The following ERG variants were observed in gnomAD, a reference collection of about 807,000 sequenced individuals.
ERG encodes the protein transcriptional regulator ERG.
ERG carries 9 observed loss-of-function variants against 55.3 expected under a neutral mutation model. The ratio of observed to expected loss-of-function variants is 0.16; its 90% confidence interval spans 0.10 to 0.28. The LOEUF is 0.28. Among genes scored for constraint, ERG ranks in the 10% least tolerant of loss-of-function variants. ERG has a pLI of 1.00. For synonymous variants in ERG, 223 were observed against 237.3 expected (o/e 0.94, Z 0.55); for missense variants, 434 against 631.6 (o/e 0.69, Z 3.35).
At chr21:38,505,409 A>G (rs937097366) in intron 2 of ERG, among the ~76,000 whole-genome samples, 1 of 152,172 alleles carries the variant, frequency 6.6e-6, no homozygotes, top group Non-Finnish European at 1.5e-5. Flanking sequence ...CGCAGAGGAC[A>G]CAGAGGTGCA....
intron 2 of ERG, among the ~76,000 whole-genome samples, chr21:38,556,177 G>A (rs1338117300): frequency 6.6e-6 from 1 of 151,948 alleles, no homozygotes; most frequent in Non-Finnish European, 1.5e-5. Flanking sequence ...ATGATAAAAG[G>A]GCAGTTTCAA....
chr21:38,491,052 C>A (rs1327902469), intron 1 of ERG, among the ~76,000 whole-genome samples: 1 of 152,130 alleles, frequency 6.6e-6, no homozygotes, highest in Non-Finnish European at 1.5e-5. Flanking sequence ...CAATGCAAAA[C>A]CACATACTTT....
chr21:38,418,380 G>A (rs986880471), intron 3 of ERG, among the ~76,000 whole-genome samples: 2 of 151,530 alleles, frequency 1.3e-5, no homozygotes, highest in Non-Finnish European at 2.9e-5. Context: ...TCAAACTTCT[G>A]GGCTCAAAGA....
At chr21:38,450,822 A>G in intron 1 of ERG, 1 of 437,088 alleles carries the variant, frequency 2.3e-6, no homozygotes, top group South Asian at 1.6e-5. Context: ...AAATAATGGG[A>G]CATTTTATAT....
At chr21:38,593,657 T>C (rs1005584022) in intron 1 of ERG, among the ~76,000 whole-genome samples, 4 of 152,164 alleles carry the variant, frequency 2.6e-5, no homozygotes, top group Admixed American at 6.5e-5. Flanking sequence ...AAATACATAA[T>C]TACTTCTGAG....
At chr21:38,411,408 C>T (rs1989040301) in intron 3 of ERG, among the ~76,000 whole-genome samples, 1 of 152,150 alleles carries the variant, frequency 6.6e-6, no homozygotes, top group Non-Finnish European at 1.5e-5. Context: ...ACCTCTGCCT[C>T]CCAGGTTCAA....
At chr21:38,419,572 A>G (rs185169963) in intron 3 of ERG, among the ~76,000 whole-genome samples, 1 of 152,176 alleles carries the variant, frequency 6.6e-6, no homozygotes, top group African/African-American at 2.4e-5. Flanking sequence ...TCTCTGTTCA[A>G]TTTTTACTTT....
chr21:38,461,195 A>T (rs2059039382), intron 1 of ERG, among the ~76,000 whole-genome samples: 2 of 152,110 alleles, frequency 1.3e-5, no homozygotes, highest in South Asian at 4.2e-4. Flanking sequence ...AGCGGGGTTG[A>T]TTCCTCCTGA....
intron 1 of ERG, among the ~76,000 whole-genome samples, chr21:38,626,186 T>C (rs569565136): frequency 6.6e-6 from 1 of 152,230 alleles, no homozygotes; most frequent in South Asian, 2.1e-4. Flanking sequence ...TCTCCCAAAG[T>C]GCTGGGATTA....
intron 1 of ERG, among the ~76,000 whole-genome samples, chr21:38,598,938 C>T (rs1831812973): frequency 6.6e-6 from 1 of 152,166 alleles, no homozygotes; most frequent in Non-Finnish European, 1.5e-5. Context: ...CAGCACCTCT[C>T]TCCACCCCAG....
intron 1 of ERG, among the ~76,000 whole-genome samples, chr21:38,625,915 C>CTTTTTTTTTT (rs397797559): frequency 1.2e-5 from 1 of 84,430 alleles, no homozygotes; most frequent in African/African-American, 5.0e-5. Flanking sequence ...ACTTGAAGCT[C>CTTTTTTTTTT]TTTTTTTTTT....
chr21:38,612,090 A>G (rs367651650), intron 1 of ERG, among the ~76,000 whole-genome samples: 2 of 152,162 alleles, frequency 1.3e-5, no homozygotes, highest in South Asian at 2.1e-4. Flanking sequence ...CATTCCCAAG[A>G]CTGCAGCAAA....
chr21:38,555,211 C>A (rs898148237), intron 2 of ERG, among the ~76,000 whole-genome samples: 2 of 151,952 alleles, frequency 1.3e-5, no homozygotes, highest in Admixed American at 6.6e-5. Context: ...CCTGTAATCC[C>A]AGCTACTCAG....
At chr21:38,468,677 C>T (rs1394252909) in intron 1 of ERG, among the ~76,000 whole-genome samples, 2 of 152,116 alleles carry the variant, frequency 1.3e-5, no homozygotes, top group Admixed American at 6.6e-5. Context: ...GGTGAAAAGA[C>T]CATGCTCACT....
intron 2 of ERG, among the ~76,000 whole-genome samples, chr21:38,542,220 C>T (rs1188643488): frequency 4.6e-5 from 7 of 152,108 alleles, no homozygotes. Context: ...GAACTCCTGA[C>T]CTCGTGATCC....
chr21:38,397,099 A>G (rs1214899370), intron 6 of ERG, among the ~76,000 whole-genome samples: 1 of 152,114 alleles, frequency 6.6e-6, no homozygotes, highest in Non-Finnish European at 1.5e-5. Context: ...TGCAAGGAAA[A>G]GGGATGAGGT....
At position 38,440,291 on chromosome 21, in the gene ERG, T is replaced by C. The variant is rs545205436; in HGVS notation, c.236+5113A>G. On this transcript the variant is annotated intron_variant, in intron 2 of 9. Transcript: ENST00000288319. ...GATGCAGGTGCAGGTAGTGGAGCGT[T>C]GAGGAGCTGCACTCCTGGCGGGGCT... Among the ~76,000 whole-genome samples the C allele has an allele frequency of 4.7e-3, 718 of 152,296 alleles. 1 individual carries two copies. The highest frequency in any genetic ancestry group is 7.0e-3 in the Non-Finnish European group (475 of 68,016).
intron 1 of ERG, among the ~76,000 whole-genome samples, chr21:38,647,250 A>T (rs2060462704): frequency 6.6e-6 from 1 of 152,200 alleles, no homozygotes; most frequent in Admixed American, 6.5e-5. Context: ...GTCCTTGCTT[A>T]CTTTGAATCT....
rs148029371 is a variant in ERG at position 38,429,746 on chromosome 21, T to TAC, written c.237-6187_237-6186dup. Among the ~76,000 whole-genome samples, 512 of 107,920 alleles carry TAC rather than the reference T, an allele frequency of 4.7e-3. 66 individuals are homozygous for TAC. Among genetic ancestry groups the TAC allele is most frequent in the African/African-American group, 0.015 (420 of 28,908 alleles). The allele number at this position is 107,920 out of a possible 152,430, so 70.8% of individuals were successfully genotyped here. ...CTATATATATGTGTGTATATATATA[T>TAC]ACACACACACACACACACCACATTT... On this transcript the variant is annotated intron_variant, in intron 2 of 9. Coordinates refer to ENST00000288319, the MANE Select transcript of ERG (RefSeq NM_182918.4).
Sources: gnomAD v4.1 joint callset for allele counts (sites outside exome capture counted in the v4.1 genomes callset) on GRCh38, gnomAD v4.1.1 for gene constraint, MANE v1.5 for transcripts, NCBI Gene and HGNC (gene_info 2026-07-23, HGNC 2026-07-21) for gene names.